The following ZMPSTE24 variants were observed in gnomAD, a reference collection of about 807,000 sequenced individuals.
ZMPSTE24 encodes CAAX prenyl protease 1 homolog.
ZMPSTE24 carries 48 observed loss-of-function variants against 56.7 expected under a neutral mutation model. That is an observed-to-expected ratio of 0.85 (90% CI 0.67 to 1.08). The LOEUF is 1.08. ZMPSTE24 is among the 50% of genes least tolerant of loss of function. The probability of loss-of-function intolerance (pLI) is 0.00; values close to 1 mark genes in which losing one functional copy is unlikely to be tolerated. For missense variants in ZMPSTE24, 503 were observed against 548.7 expected, an observed-to-expected ratio of 0.92 and a Z score of 0.83; for synonymous variants, 172 against 195.2, an observed-to-expected ratio of 0.88 and a Z score of 0.99.
At chr1:40,264,740 T>C (rs1643532586) in intron 2 of ZMPSTE24, among the ~76,000 whole-genome samples, 1 of 150,702 alleles carries the variant, frequency 6.6e-6, no homozygotes, top group Non-Finnish European at 1.5e-5. Flanking sequence ...ATCAACTGAG[T>C]GTGGTGATGT....
chr1:40,288,324 T>C (rs1446411860), intron 8 of ZMPSTE24, among the ~76,000 whole-genome samples: 2 of 152,088 alleles, frequency 1.3e-5, no homozygotes, highest in Admixed American at 6.6e-5. Flanking sequence ...TGGCACTGAG[T>C]AAGATTAAAT....
intron 2 of ZMPSTE24, 82 bp from the exon 3 acceptor site, chr1:40,267,704 C>T: frequency 8.8e-7 from 1 of 1,133,666 alleles, no homozygotes; most frequent in East Asian, 2.4e-5. Context: ...TTATTTTGTC[C>T]TTTCTTTCTT....
chr1:40,267,784 A>G lies in ZMPSTE24; in HGVS notation c.271-2A>G, dbSNP rs779939174. On this transcript the variant is annotated splice_acceptor_variant, in intron 2 of 9. Transcript: ENST00000372759. LOFTEE classifies it high-confidence loss of function. ...GTGATCAAAGTATGCTTTGTTTTAT[A>G]GCTTATTCTTCTCTTTGGAGGAATA... The G allele has an allele frequency of 1.9e-6, 3 of 1,607,378 alleles. No individual in the cohort carries two copies. In the South Asian group the frequency reaches 3.3e-5, roughly 18 times the overall value.
chr1:40,276,015 A>G (rs184013310), intron 6 of ZMPSTE24, among the ~76,000 whole-genome samples: 219 of 152,294 alleles, frequency 1.4e-3, no homozygotes, highest in Middle Eastern at 6.8e-3. Context: ...GGCACATCTG[A>G]TTGACTAAGC....
intron 1 of ZMPSTE24, among the ~76,000 whole-genome samples, chr1:40,258,983 AC>A (rs1221886613): frequency 6.6e-6 from 1 of 151,784 alleles, no homozygotes; most frequent in Non-Finnish European, 1.5e-5. Flanking sequence ...CGTGGCGAAA[AC>A]CCGTCTCTAC....
chr1:40,290,481 G>GTTTTTTTTTTTT (rs1643830064), intron 8 of ZMPSTE24, among the ~76,000 whole-genome samples: 1 of 32,164 alleles, frequency 3.1e-5, no homozygotes, highest in African/African-American at 1.9e-4. Flanking sequence ...TTTTTTTTGA[G>GTTTTTTTTTTTT]ATGGAGTCTC....
intron 6 of ZMPSTE24, among the ~76,000 whole-genome samples, chr1:40,279,388 T>C (rs1203465184): frequency 6.6e-6 from 1 of 152,194 alleles, no homozygotes; most frequent in East Asian, 1.9e-4. Context: ...TGAATCCTTA[T>C]AACTAGGCTC....
chr1:40,291,389 G>A (rs1643842842), intron 9 of ZMPSTE24, among the ~76,000 whole-genome samples: 1 of 152,174 alleles, frequency 6.6e-6, no homozygotes. Flanking sequence ...CTTAGTGACT[G>A]TTCCTCTGCT....
At chr1:40,274,678 A>G (rs1238908893) in intron 6 of ZMPSTE24, among the ~76,000 whole-genome samples, 1 of 152,234 alleles carries the variant, frequency 6.6e-6, no homozygotes, top group Admixed American at 6.5e-5. Flanking sequence ...GGGAAGAGCC[A>G]TTGAAGGCTT....
At chr1:40,278,372 C>A (rs1643691391) in intron 6 of ZMPSTE24, among the ~76,000 whole-genome samples, 2 of 151,706 alleles carry the variant, frequency 1.3e-5, no homozygotes, top group South Asian at 4.2e-4. Flanking sequence ...TCCTGGCTAA[C>A]ACGGTGAAAC....
chr1:40,284,617 T>C (rs1177599451), intron 7 of ZMPSTE24, among the ~76,000 whole-genome samples: 1 of 151,938 alleles, frequency 6.6e-6, no homozygotes, highest in African/African-American at 2.4e-5. Context: ...CCGGGTGTGG[T>C]GGCATGCGCC....
In ZMPSTE24 at chr1:40,292,734, C is replaced by G; in HGVS notation, c.*65C>G. The G allele has an allele frequency of 6.6e-7, 1 of 1,516,254 alleles. No homozygotes were observed. The highest frequency in any genetic ancestry group is 1.2e-5 in the South Asian group (1 of 85,688). The allele number at this position is 1,516,254 out of a possible 1,614,324, so 93.9% of individuals were successfully genotyped here. A position where few individuals can be genotyped will look rare whatever the true frequency, so the allele number is the denominator to read the frequency against. On this transcript the variant is annotated 3_prime_UTR_variant, in exon 10 of 10. Transcript: ENST00000372759. ...TCTGTCCTGGCAGCATGTTCCAGCT[C>G]TTGATGTTTTTAAACTTTTTTTTAG...
At chr1:40,286,949 C>T (rs898860172) in intron 8 of ZMPSTE24, among the ~76,000 whole-genome samples, 15 of 151,990 alleles carry the variant, frequency 9.9e-5, no homozygotes, top group East Asian at 5.8e-4. Flanking sequence ...CCAGGCTGGT[C>T]TCGAACTCCT....
intron 1 of ZMPSTE24, among the ~76,000 whole-genome samples, chr1:40,260,357 G>C (rs370192631): frequency 6.6e-6 from 1 of 152,012 alleles, no homozygotes; most frequent in Non-Finnish European, 1.5e-5. Context: ...CACCGTGCCC[G>C]GCTGAAAATT....
chr1:40,291,002 T>A lies in ZMPSTE24; in HGVS notation c.1203+5T>A, dbSNP rs747984975. 2.5e-6 allele frequency: 4 copies of A among 1,613,666 alleles called. No homozygotes were observed. Among genetic ancestry groups the A allele is most frequent in the Non-Finnish European group, 3.4e-6 (4 of 1,179,834 alleles). The stretch of plus-strand genomic sequence containing the variant: ...ATTTTTTCACCTTACAATGAGGTAA[T>A]GTATGATCTTTAAAATTATCACACA... On this transcript the variant is annotated splice_donor_5th_base_variant and intron_variant, in intron 9 of 9. Coordinates refer to ENST00000372759, the MANE Select transcript of ZMPSTE24 (RefSeq NM_005857.5).
intron 8 of ZMPSTE24, among the ~76,000 whole-genome samples, chr1:40,289,889 T>C (rs1485162284): frequency 6.6e-6 from 1 of 152,066 alleles, no homozygotes; most frequent in Admixed American, 6.6e-5. Context: ...GTGGGAGGCG[T>C]TGTATCTGAT....
intron 8 of ZMPSTE24, among the ~76,000 whole-genome samples, chr1:40,287,744 A>G (rs948010659): frequency 3.3e-5 from 5 of 152,170 alleles, no homozygotes; most frequent in Non-Finnish European, 7.4e-5. Context: ...AGCAATCCCA[A>G]TAATGTTCCT....
intron 6 of ZMPSTE24, among the ~76,000 whole-genome samples, chr1:40,278,776 G>A (rs896272668): frequency 6.6e-6 from 1 of 152,024 alleles, no homozygotes; most frequent in African/African-American, 2.4e-5. Context: ...CACATTGTAG[G>A]ACATTTAGAA....
chr1:40,271,205 C>G (rs1338335852), intron 5 of ZMPSTE24, among the ~76,000 whole-genome samples: 1 of 152,182 alleles, frequency 6.6e-6, no homozygotes, highest in Non-Finnish European at 1.5e-5. Context: ...GCTGGGACTA[C>G]AGGTGTGTGA....
Sources: gnomAD v4.1 joint callset for allele counts (sites outside exome capture counted in the v4.1 genomes callset) on GRCh38, gnomAD v4.1.1 for gene constraint, MANE v1.5 for transcripts, NCBI Gene and HGNC (gene_info 2026-07-23, HGNC 2026-07-21) for gene names.